SCFD2: variants seen among roughly 807,000 people sequenced by gnomAD.
SCFD2 encodes sec1 family domain containing 2.
A neutral mutation model predicts 58.9 loss-of-function variants in SCFD2; 54 were observed. The observed-to-expected ratio is 0.92, with a 90% CI of 0.74 to 1.15. The LOEUF (loss-of-function observed/expected upper bound fraction) is 1.15, where lower values mean the gene tolerates loss of function less well. Ranked by LOEUF, SCFD2 falls within the 50% of genes most tolerant of loss-of-function variation. The probability of loss-of-function intolerance (pLI) is 0.00; values close to 1 mark genes in which losing one functional copy is unlikely to be tolerated. For synonymous variants in SCFD2, 321 were observed against 335.9 expected, an observed-to-expected ratio of 0.96 and a Z score of 0.49; for missense variants, 805 against 836.6, an observed-to-expected ratio of 0.96 and a Z score of 0.47.
intron 4 of SCFD2, among the ~76,000 whole-genome samples, chr4:53,262,901 G>A (rs978222415): frequency 7.2e-5 from 11 of 152,030 alleles, no homozygotes; most frequent in African/African-American, 7.2e-5. Flanking sequence ...TCTTAGGTTC[G>A]GATGCTTAAC....
chr4:53,336,746 C>T (rs1025659263), intron 2 of SCFD2, among the ~76,000 whole-genome samples: 1 of 152,136 alleles, frequency 6.6e-6, no homozygotes, highest in Non-Finnish European at 1.5e-5. Context: ...AACTCCTGGC[C>T]TCAACTGATC....
At chr4:53,005,222 G>GTTCTAGTCTTAAC (rs1553913893) in intron 5 of SCFD2, among the ~76,000 whole-genome samples, 2 of 152,048 alleles carry the variant, frequency 1.3e-5, no homozygotes, top group East Asian at 3.9e-4. Context: ...CTTAACTTTG[G>GTTCTAGTCTTAAC]TCATGACTCC....
intron 4 of SCFD2, among the ~76,000 whole-genome samples, chr4:53,231,643 G>C (rs1204835718): frequency 6.6e-6 from 1 of 152,012 alleles, no homozygotes; most frequent in East Asian, 1.9e-4. Flanking sequence ...AACTATCCTG[G>C]TCAATAGAGA....
At chr4:53,238,069 C>T (rs1729722918) in intron 4 of SCFD2, among the ~76,000 whole-genome samples, 2 of 136,342 alleles carry the variant, frequency 1.5e-5, no homozygotes, top group African/African-American at 5.6e-5. Flanking sequence ...CCCCCACCTC[C>T]CTCCCGGATG....
chr4:53,326,933 T>C (rs1733216768), intron 2 of SCFD2, among the ~76,000 whole-genome samples: 2 of 151,412 alleles, frequency 1.3e-5, no homozygotes, highest in Non-Finnish European at 2.9e-5. Context: ...AATGAGGCTA[T>C]AAGTAGGTAC....
intron 8 of SCFD2, among the ~76,000 whole-genome samples, chr4:52,876,047 G>T (rs183592288): frequency 6.6e-6 from 1 of 151,728 alleles, no homozygotes; most frequent in Non-Finnish European, 1.5e-5. Flanking sequence ...ACGTCTTTCA[G>T]GTCTTCCTCA....
At chr4:52,905,897 C>G (rs998978191) in intron 7 of SCFD2, among the ~76,000 whole-genome samples, 1 of 152,190 alleles carries the variant, frequency 6.6e-6, no homozygotes, top group Non-Finnish European at 1.5e-5. Flanking sequence ...TTACACAACA[C>G]GACTCTGTTC....
At chr4:53,108,600 T>TA in intron 5 of SCFD2, among the ~76,000 whole-genome samples, 1 of 152,074 alleles carries the variant, frequency 6.6e-6, no homozygotes, top group African/African-American at 2.4e-5. Context: ...TCTACACAAA[T>TA]AAACTAGAAA....
chr4:52,875,986 G>A (rs1718464634), intron 8 of SCFD2, among the ~76,000 whole-genome samples: 1 of 151,464 alleles, frequency 6.6e-6, no homozygotes, highest in South Asian at 2.1e-4. Flanking sequence ...TCTATCATCT[G>A]CATGCATGAT....
At chr4:53,197,462 C>A (rs1472535605) in intron 4 of SCFD2, among the ~76,000 whole-genome samples, 1 of 152,030 alleles carries the variant, frequency 6.6e-6, no homozygotes, top group South Asian at 2.1e-4. Context: ...TTCATAAAGA[C>A]TTAACTATGT....
chr4:53,365,207 G>T lies in SCFD2; in HGVS notation c.735C>A (p.Val245=). 1 of 1,614,118 alleles carries T rather than the reference G, an allele frequency of 6.2e-7. No homozygotes were observed. The highest frequency in any genetic ancestry group is 8.5e-7 in the Non-Finnish European group (1 of 1,180,034). ...CATAATTGGCCAGATCCGCAGCGAT[G>T]ACCTGACTTAAGGAACCTACAGCAA... The part of the protein sequence containing the change: ...ECFAVGSLSQ[V]IAADLANYAP... Residue 245 remains valine (V), a synonymous_variant, in exon 1 of 9, where the codon GTC becomes GTA. Coordinates refer to ENST00000401642, the MANE Select transcript of SCFD2 (RefSeq NM_152540.4). The surrounding 1 kb of genome is among the most constrained non-coding windows in gnomAD (Gnocchi z 4.3).
At chr4:53,067,224 T>G (rs757132395) in intron 5 of SCFD2, among the ~76,000 whole-genome samples, 32 of 152,140 alleles carry the variant, frequency 2.1e-4, no homozygotes, top group Admixed American at 6.6e-4. Context: ...ATGTACAGGA[T>G]TGGGATGGAG....
In SCFD2 at chr4:53,259,930, CACCTCCTTGGTTAGATATATA is replaced by C. The variant is rs1351571743; in HGVS notation, c.1311+13875_1311+13895del. On this transcript the variant is annotated intron_variant, in intron 4 of 8. Transcript: ENST00000401642. ...TGTAGTTTACCTTGCAGAGGTCTTT[CACCTCCTTGGTTAGATATATA>C]ACCAGGTATTTTTTTTTTTTTTGCA... Among the ~76,000 whole-genome samples the C allele has an allele frequency of 2.0e-5, 3 of 150,996 alleles. No homozygotes were observed. In the East Asian group the frequency reaches 5.8e-4, roughly 29 times the overall value.
intron 4 of SCFD2, among the ~76,000 whole-genome samples, chr4:53,212,160 A>G (rs573532942): frequency 1.3e-5 from 2 of 152,194 alleles, no homozygotes; most frequent in African/African-American, 4.8e-5. Flanking sequence ...GGAAAAATAA[A>G]TCAGAACTTA....
intron 4 of SCFD2, among the ~76,000 whole-genome samples, chr4:53,174,416 A>G (rs1292601818): frequency 6.6e-6 from 1 of 152,206 alleles, no homozygotes; most frequent in East Asian, 1.9e-4. Flanking sequence ...AAATATATAT[A>G]CATACACATC....
intron 1 of SCFD2, among the ~76,000 whole-genome samples, chr4:53,362,985 C>T (rs1285004203): frequency 6.6e-6 from 1 of 151,940 alleles, no homozygotes; most frequent in Non-Finnish European, 1.5e-5. Context: ...TGTTTAGTGG[C>T]TTATATTTTC....
intron 5 of SCFD2, among the ~76,000 whole-genome samples, chr4:53,086,851 C>T (rs1560329407): frequency 6.6e-6 from 1 of 151,842 alleles, no homozygotes; most frequent in South Asian, 2.1e-4. Flanking sequence ...CTCATGGAGA[C>T]AGAAAGTAGA....
intron 5 of SCFD2, among the ~76,000 whole-genome samples, chr4:53,040,832 G>A (rs1722880260): frequency 6.6e-6 from 1 of 152,144 alleles, no homozygotes; most frequent in South Asian, 2.1e-4. Flanking sequence ...TTTATCAAGA[G>A]TGAAAATGAT....
At position 52,958,322 on chromosome 4, in the gene SCFD2, G is replaced by A. The variant is rs113594550; in HGVS notation, c.1562-37452C>T. On this transcript the variant is annotated intron_variant, in intron 5 of 8. Transcript: ENST00000401642. ...CCCTTTTGTTAATACTATAAGGCAG[G>A]CTCCATGTGTTTGTTTATTTCTGGG... Among the ~76,000 whole-genome samples the A allele has an allele frequency of 8.4e-3, 1,277 of 152,286 alleles. 22 individuals carry two copies. The highest frequency in any genetic ancestry group is 0.029 in the African/African-American group (1,222 of 41,548).
Sources: allele counts gnomAD v4.1 joint callset (sites outside exome capture counted in the v4.1 genomes callset), GRCh38; gene constraint gnomAD v4.1.1; non-coding constraint Gnocchi (gnomAD v3.1); transcripts MANE v1.5; gene names NCBI Gene and HGNC (gene_info 2026-07-23, HGNC 2026-07-21).